AGAP1: variants seen among roughly 807,000 people sequenced by gnomAD.
AGAP1 encodes arf-GAP with GTPase, ANK repeat and PH domain-containing protein 1.
AGAP1 carries 29 observed loss-of-function variants against 105.3 expected under a neutral mutation model. The ratio of observed to expected loss-of-function variants is 0.28; its 90% CI spans 0.21 to 0.38. AGAP1 has a LOEUF of 0.38. AGAP1 is among the 10% of genes least tolerant of loss of function. The pLI, the probability that AGAP1 is intolerant of heterozygous loss-of-function variation, is 1.00. For missense variants in AGAP1, 998 were observed against 1,165.1 expected (o/e 0.86, Z 2.09); for synonymous variants, 509 against 485.9 (o/e 1.05, Z -0.63).
At chr2:235,628,580 G>A (rs1946717894) in intron 1 of AGAP1, among the ~76,000 whole-genome samples, 2 of 152,080 alleles carry the variant, frequency 1.3e-5, no homozygotes, top group Non-Finnish European at 2.9e-5. Flanking sequence ...AGATTTGGTG[G>A]GTCCTTGAAT....
chr2:236,029,514 G>A (rs182236659), intron 13 of AGAP1, among the ~76,000 whole-genome samples: 17 of 151,284 alleles, frequency 1.1e-4, no homozygotes, highest in African/African-American at 4.1e-4. Context: ...TTGAACTCCT[G>A]ACCTCAGATG....
intron 13 of AGAP1, among the ~76,000 whole-genome samples, chr2:235,969,696 G>A (rs1359695188): frequency 6.6e-6 from 1 of 152,218 alleles, no homozygotes; most frequent in Non-Finnish European, 1.5e-5. Flanking sequence ...CGGTGCGTGT[G>A]TTAGCAGGGA....
At chr2:235,937,063 C>T (rs1280210059) in intron 12 of AGAP1, among the ~76,000 whole-genome samples, 2 of 152,286 alleles carry the variant, frequency 1.3e-5, no homozygotes, top group East Asian at 1.9e-4. Flanking sequence ...TGTCTTCTCT[C>T]ACTGATGCTG....
Position 235,612,238 on chromosome 2 carries a change from G to A in AGAP1, c.164-96941G>A, listed in dbSNP as rs540610779. On this transcript the variant is annotated intron_variant, in intron 1 of 17. Coordinates refer to ENST00000304032, the MANE Select transcript of AGAP1 (RefSeq NM_001037131.3). The surrounding 1 kb of genome is among the most constrained non-coding windows in gnomAD (Gnocchi z 4.3). ...GTTCGCAGTGCTGGAAGAGAGAGTG[G>A]ACAGATTTTACACCAGCACCTTTCA... 6.6e-6 allele frequency among the ~76,000 whole-genome samples: 1 copy of A among 152,154 alleles called. No homozygotes were observed. The highest frequency in any genetic ancestry group is 2.4e-5 in the African/African-American group (1 of 41,444).
In AGAP1 at chr2:235,650,376, CATTT is replaced by C. The variant is rs138385470; in HGVS notation, c.164-58802_164-58799del. Among the ~76,000 whole-genome samples, 928 of 152,164 alleles carry C rather than the reference CATTT, an allele frequency of 6.1e-3. 10 individuals are homozygous for C. Among genetic ancestry groups the C allele is most frequent in the African/African-American group, 0.021 (872 of 41,544 alleles). On this transcript the variant is annotated intron_variant, in intron 1 of 17. Coordinates refer to ENST00000304032, the MANE Select transcript of AGAP1 (RefSeq NM_001037131.3). The stretch of plus-strand genomic sequence containing the variant: ...GTTCTGGGAGTTGGGTTTGTTCATT[CATTT>C]GTTTATTCATCTATCCATCTGTCCT...
At chr2:235,571,562 A>G (rs577162598) in intron 1 of AGAP1, among the ~76,000 whole-genome samples, 45 of 152,282 alleles carry the variant, frequency 3.0e-4, no homozygotes, top group African/African-American at 8.7e-4. Context: ...TTAAAATATT[A>G]ACCACCTACA....
At position 235,747,371 on chromosome 2, in the gene AGAP1, G is replaced by A. The variant is rs1017786549; in HGVS notation, c.538+2532G>A. Among the ~76,000 whole-genome samples, 20 of 152,144 alleles carry A rather than the reference G, an allele frequency of 1.3e-4. No individual in the cohort carries two copies. The highest frequency in any genetic ancestry group is 4.3e-4 in the African/African-American group (18 of 41,444). On this transcript the variant is annotated intron_variant, in intron 5 of 17. Coordinates refer to ENST00000304032, the MANE Select transcript of AGAP1 (RefSeq NM_001037131.3). This position sits in a 1 kb window ranked among gnomAD's most constrained non-coding sequence, Gnocchi z 5.0. ...TCGGATGTGGAAAGATGCCCAGGAA[G>A]GCCCCAGGGGAGTGTGTGCGTGTGC...
intron 9 of AGAP1, among the ~76,000 whole-genome samples, chr2:235,863,223 C>T (rs1216454745): frequency 2.6e-5 from 4 of 152,200 alleles, no homozygotes; most frequent in Non-Finnish European, 4.4e-5. Flanking sequence ...GGGCATCCCA[C>T]GTGGTCTGGG....
intron 9 of AGAP1, among the ~76,000 whole-genome samples, chr2:235,869,567 C>T (rs2049341583): frequency 6.6e-6 from 1 of 152,102 alleles, no homozygotes; most frequent in Admixed American, 6.6e-5. Flanking sequence ...CGCCACTGCA[C>T]TCCAGCCTGA....
intron 1 of AGAP1, among the ~76,000 whole-genome samples, chr2:235,656,466 A>C (rs1279459573): frequency 6.6e-6 from 1 of 151,872 alleles, no homozygotes; most frequent in Non-Finnish European, 1.5e-5. Context: ...CTCCACCCTG[A>C]CTCATTTCAA....
In AGAP1 at chr2:235,733,399, TGAG is replaced by T. The variant is rs1338886334; in HGVS notation, c.311-7560_311-7558del. 4.6e-5 allele frequency among the ~76,000 whole-genome samples: 7 copies of T among 152,314 alleles called. No homozygotes were observed. Among genetic ancestry groups the T allele is most frequent in the South Asian group, 2.1e-4 (1 of 4,828 alleles). ...TTGTTGGCTCAGGTTGTAGGAGAGA[TGAG>T]GAGCCTCCGCCCAGCTCAAATCTTC... On this transcript the variant is annotated intron_variant, in intron 3 of 17. Transcript: ENST00000304032. The surrounding 1 kb of genome is among the most constrained non-coding windows in gnomAD (Gnocchi z 5.0).
chr2:235,707,603 C>T (rs1027190009), intron 1 of AGAP1, among the ~76,000 whole-genome samples: 1 of 146,120 alleles, frequency 6.8e-6, no homozygotes, highest in Non-Finnish European at 1.5e-5. Flanking sequence ...GGTTGTGCTC[C>T]CCCGGCGTGT....
intron 1 of AGAP1, among the ~76,000 whole-genome samples, chr2:235,648,619 A>AT (rs1947470584): frequency 6.6e-6 from 1 of 151,260 alleles, no homozygotes; most frequent in African/African-American, 2.4e-5. Context: ...CATGCCTGTC[A>AT]TCCCAGCACT....
At chr2:235,653,489 TAAA>T (rs1947674390) in intron 1 of AGAP1, among the ~76,000 whole-genome samples, 2 of 135,558 alleles carry the variant, frequency 1.5e-5, no homozygotes, top group African/African-American at 5.3e-5. Context: ...TAAAATAAAA[TAAA>T]ATAAAATATA....
chr2:235,886,332 T>C (rs2050274501), intron 10 of AGAP1, among the ~76,000 whole-genome samples: 1 of 152,246 alleles, frequency 6.6e-6, no homozygotes, highest in Non-Finnish European at 1.5e-5. Flanking sequence ...CAACATATGC[T>C]CACTGCTGAG....
intron 12 of AGAP1, among the ~76,000 whole-genome samples, chr2:235,938,997 G>A (rs908266198): frequency 1.3e-5 from 2 of 152,312 alleles, no homozygotes; most frequent in South Asian, 4.1e-4. Flanking sequence ...TTTCAGATGC[G>A]CAGCCAGGGT....
intron 11 of AGAP1, among the ~76,000 whole-genome samples, chr2:235,918,269 T>C (rs1425945278): frequency 6.6e-6 from 1 of 152,248 alleles, no homozygotes; most frequent in African/African-American, 2.4e-5. Flanking sequence ...AATGGAAGCC[T>C]TACTGGTCGA....
intron 1 of AGAP1, among the ~76,000 whole-genome samples, chr2:235,495,508 G>T (rs572269537): frequency 6.6e-6 from 1 of 152,362 alleles, no homozygotes; most frequent in East Asian, 1.9e-4. Flanking sequence ...GCGTCCTCCA[G>T]CGGAAGGGTC....
At position 235,551,978 on chromosome 2, in the gene AGAP1, T is replaced by G. The variant is rs1320929368; in HGVS notation, c.163+57129T>G. On this transcript the variant is annotated intron_variant, in intron 1 of 17. Coordinates refer to ENST00000304032, the MANE Select transcript of AGAP1 (RefSeq NM_001037131.3). The surrounding 1 kb of genome is among the most constrained non-coding windows in gnomAD (Gnocchi z 4.8). ...TCTTTTAAAAAGGAAGTTCACAAGA[T>G]TTCTTGAAAGAACTCTAGTTGGAGT... Among the ~76,000 whole-genome samples the G allele has an allele frequency of 6.6e-6, 1 of 152,244 alleles. No homozygotes were observed. The highest frequency in any genetic ancestry group is 2.4e-5 in the African/African-American group (1 of 41,462).
Sources: gnomAD v4.1 joint callset for allele counts (sites outside exome capture counted in the v4.1 genomes callset) on GRCh38, gnomAD v4.1.1 for gene constraint, Gnocchi (gnomAD v3.1) non-coding constraint, MANE v1.5 for transcripts, NCBI Gene and HGNC (gene_info 2026-07-23, HGNC 2026-07-21) for gene names.